The following SORBS2 variants were observed in gnomAD, a reference collection of about 807,000 sequenced individuals.
The protein encoded by SORBS2 is sorbin and SH3 domain-containing protein 2.
In SORBS2, 46 loss-of-function variants were observed where a neutral mutation model predicts 97.7. The observed-to-expected ratio is 0.47, with a 90% confidence interval of 0.37 to 0.60. The LOEUF (loss-of-function observed/expected upper bound fraction) is 0.60, where lower values mean the gene tolerates loss of function less well. Ranked by LOEUF, SORBS2 falls within the 20% of genes least tolerant of loss-of-function variation. SORBS2 has a pLI of 0.00. For synonymous variants in SORBS2, 476 were observed against 473.4 expected (o/e 1.01, Z -0.07); for missense variants, 1,316 against 1,282.3 (o/e 1.03, Z -0.40).
chr4:185,782,685 T>C (rs893547991), intron 1 of SORBS2, among the ~76,000 whole-genome samples: 2 of 152,228 alleles, frequency 1.3e-5, no homozygotes, highest in Non-Finnish European at 2.9e-5. Context: ...ATGCATAAGT[T>C]ATAAACAGAC....
chr4:185,628,426 T>C (rs530332912), intron 5 of SORBS2, among the ~76,000 whole-genome samples: 4 of 152,174 alleles, frequency 2.6e-5, no homozygotes, highest in Non-Finnish European at 4.4e-5. Context: ...CTTTAGAAGA[T>C]GTTATATTGG....
intron 2 of SORBS2, among the ~76,000 whole-genome samples, chr4:185,752,327 G>T (rs771978418): frequency 6.6e-6 from 1 of 152,060 alleles, no homozygotes; most frequent in Non-Finnish European, 1.5e-5. Context: ...CCAGGCTGGA[G>T]TGCAGTGGCA....
chr4:185,839,326 T>C (rs2099210111), intron 1 of SORBS2, among the ~76,000 whole-genome samples: 1 of 152,194 alleles, frequency 6.6e-6, no homozygotes, highest in Non-Finnish European at 1.5e-5. Flanking sequence ...AATTTCCAAA[T>C]GAGTCATTAG....
At position 185,845,978 on chromosome 4, in the gene SORBS2, C is replaced by A. The variant is rs183052448; in HGVS notation, c.-337-70612G>T. 2.6e-3 allele frequency among the ~76,000 whole-genome samples: 402 copies of A among 152,348 alleles called. 18 individuals carry two copies. In the South Asian group the frequency reaches 0.064, roughly 24 times the overall value. ...TAGTGGTGATGCAAAATAGTACAGA[C>A]TCCTTGGAAGATCGTTTCTGATACT... On this transcript the variant is annotated intron_variant, in intron 1 of 20. Transcript: ENST00000284776.
Position 185,706,455 on chromosome 4 carries a change from G to A in SORBS2, c.-197-27633C>T, listed in dbSNP as rs74442043. ...GGAGAATGATTATTGTTACTTTGGG[G>A]GTTGTGTCTCAAGTATACACAAATG... On this transcript the variant is annotated intron_variant, in intron 2 of 20. Transcript: ENST00000284776. Among the ~76,000 whole-genome samples, 1,238 of 152,236 alleles carry A rather than the reference G, an allele frequency of 8.1e-3. 19 individuals carry two copies. The highest frequency in any genetic ancestry group is 0.029 in the African/African-American group (1,212 of 41,534).
chr4:185,598,285 A>G (rs1561310469), intron 12 of SORBS2, among the ~76,000 whole-genome samples: 1 of 151,544 alleles, frequency 6.6e-6, no homozygotes, highest in Non-Finnish European at 1.5e-5. Flanking sequence ...CTAAATATGT[A>G]TTTTTTTCTG....
exon 15 of SORBS2, chr4:185,586,159 G>GAA (rs2095799467): frequency 6.6e-6 from 1 of 152,506 alleles, no homozygotes; most frequent in Admixed American, 6.5e-5. Context: ...CACTGTCCAT[G>GAA]AAAGAGATGC....
chr4:185,729,658 G>A (rs1447974527), intron 2 of SORBS2, among the ~76,000 whole-genome samples: 1 of 152,232 alleles, frequency 6.6e-6, no homozygotes, highest in Admixed American at 6.5e-5. Context: ...CTGGGGGAGT[G>A]CTTCATTACT....
chr4:185,714,094 T>A (rs1336075848), intron 2 of SORBS2, among the ~76,000 whole-genome samples: 1 of 152,260 alleles, frequency 6.6e-6, no homozygotes. Flanking sequence ...ATTATTTAAG[T>A]GGATATATGG....
At chr4:185,646,457 A>G (rs1212486300) in intron 4 of SORBS2, 2 of 494,738 alleles carry the variant, frequency 4.0e-6, no homozygotes, top group Non-Finnish European at 7.2e-6. Context: ...ACACACACAC[A>G]TACACTTGTA....
At chr4:185,624,861 G>T (rs975699220) in intron 6 of SORBS2, among the ~76,000 whole-genome samples, 1 of 152,202 alleles carries the variant, frequency 6.6e-6, no homozygotes, top group Non-Finnish European at 1.5e-5. Context: ...TGATCTGGTA[G>T]TGAAGGTTTA....
Position 185,834,275 on chromosome 4 carries a change from C to T in SORBS2, c.-337-58909G>A, listed in dbSNP as rs573196565. Among the ~76,000 whole-genome samples, 12 of 151,988 alleles carry T rather than the reference C, an allele frequency of 7.9e-5. No individual in the cohort carries two copies. In the South Asian group the frequency reaches 1.7e-3, roughly 21 times the overall value. On this transcript the variant is annotated intron_variant, in intron 1 of 20. Transcript: ENST00000284776. ...CTTGTTAAACCATAGAATCCGCCCC[C>T]GTGAGCCAATTACCTCCCACCAGGC...
intron 1 of SORBS2, among the ~76,000 whole-genome samples, chr4:185,874,799 A>C (rs1256516347): frequency 1.3e-5 from 2 of 151,132 alleles, no homozygotes; most frequent in African/African-American, 2.4e-5. Context: ...TAACATAGGA[A>C]CGAGGCCATT....
chr4:185,806,434 CTATTTTTTTT>C (rs1371641170), intron 1 of SORBS2, among the ~76,000 whole-genome samples: 2,591 of 108,096 alleles, frequency 0.024, 665 homozygotes, highest in African/African-American at 0.055. Context: ...GGCTAGAATC[CTATTTTTTTT>C]TTTTTTTTTT....
At chr4:185,854,002 A>G (rs191548535) in intron 1 of SORBS2, among the ~76,000 whole-genome samples, 5 of 152,348 alleles carry the variant, frequency 3.3e-5, no homozygotes, top group Admixed American at 6.5e-5. Context: ...GAAATACTCC[A>G]TACGTGAATC....
At chr4:185,665,824 G>T (rs893171908) in intron 4 of SORBS2, 4 of 1,149,362 alleles carry the variant, frequency 3.5e-6, no homozygotes, top group Non-Finnish European at 4.4e-6. Flanking sequence ...ACGGCCAGTG[G>T]TGTCAGAGTC....
chr4:185,664,923 C>T (rs1223466570), intron 4 of SORBS2, among the ~76,000 whole-genome samples: 1 of 151,806 alleles, frequency 6.6e-6, no homozygotes, highest in East Asian at 1.9e-4. Flanking sequence ...TAAATGGAAG[C>T]CATTACTTAG....
intron 2 of SORBS2, among the ~76,000 whole-genome samples, chr4:185,752,306 C>G (rs761372965): frequency 1.4e-4 from 21 of 152,206 alleles, no homozygotes; most frequent in Non-Finnish European, 2.4e-4. Context: ...GACAGAGTCT[C>G]GCTCTGTCGC....
At chr4:185,737,991 G>A (rs377194755) in intron 2 of SORBS2, among the ~76,000 whole-genome samples, 5 of 152,244 alleles carry the variant, frequency 3.3e-5, no homozygotes, top group African/African-American at 2.4e-5. Context: ...TTCGTGAAAC[G>A]GACACACTAC....
Sources: gnomAD v4.1 joint callset for allele counts (sites outside exome capture counted in the v4.1 genomes callset) on GRCh38, gnomAD v4.1.1 for gene constraint, MANE v1.5 for transcripts, NCBI Gene and HGNC (gene_info 2026-07-23, HGNC 2026-07-21) for gene names.